PADI2: variants seen among roughly 807,000 people sequenced by gnomAD.
The protein encoded by PADI2 is protein-arginine deiminase type-2.
Under a neutral mutation model 81.1 loss-of-function variants are expected in PADI2, and 70 were observed. The observed-to-expected ratio is 0.86, with a 90% CI of 0.71 to 1.05. The LOEUF is 1.05. Among genes scored for constraint, PADI2 ranks in the 50% least tolerant of loss-of-function variants. PADI2 has a pLI of 0.00. For missense variants in PADI2, 853 were observed against 889.9 expected, an observed-to-expected ratio of 0.96 and a Z score of 0.53; for synonymous variants, 338 against 358.0, an observed-to-expected ratio of 0.94 and a Z score of 0.63.
intron 3 of PADI2, among the ~76,000 whole-genome samples, chr1:17,102,650 A>G (rs1931182396): frequency 6.6e-6 from 1 of 151,480 alleles, no homozygotes; most frequent in Non-Finnish European, 1.5e-5. Flanking sequence ...TCACCATGAG[A>G]GGGACACTCT....
chr1:17,104,083 G>C (rs182634233), intron 2 of PADI2, among the ~76,000 whole-genome samples: 250 of 150,008 alleles, frequency 1.7e-3, no homozygotes, highest in African/African-American at 5.5e-3. Flanking sequence ...GAGATCGACA[G>C]CATCCTGGCT....
chr1:17,106,631 T>C (rs2057091), intron 1 of PADI2, among the ~76,000 whole-genome samples: 106,879 of 151,850 alleles, frequency 0.7, 38,581 homozygotes, highest in East Asian at 0.95. Context: ...TTAGTAGAGA[T>C]GGGGTTTCGC....
chr1:17,107,491 G>A (rs770792563), intron 1 of PADI2, among the ~76,000 whole-genome samples: 1 of 152,184 alleles, frequency 6.6e-6, no homozygotes, highest in Non-Finnish European at 1.5e-5. Flanking sequence ...ACAGACTGCG[G>A]GGCCCCATCT....
chr1:17,105,904 C>G (rs878269), intron 1 of PADI2, among the ~76,000 whole-genome samples: 120,094 of 152,074 alleles, frequency 0.79, 48,150 homozygotes, highest in East Asian at 0.95. Flanking sequence ...TTCTTAACAA[C>G]CTTCCTAGTG....
rs114552846 is a variant in PADI2 at position 17,090,030 on chromosome 1, C to A, written c.655+2378G>T. 3.2e-3 allele frequency among the ~76,000 whole-genome samples: 482 copies of A among 152,324 alleles called. 2 individuals are homozygous for A. The highest frequency in any genetic ancestry group is 0.011 in the African/African-American group (462 of 41,566). ...GGAAAGTCCTGGGCAAACTGGATTA[C>A]CATTTCCTTGTATAAAGAGGTAAGG... On this transcript the variant is annotated intron_variant, in intron 6 of 15. Transcript: ENST00000375486.
chr1:17,086,825 G>T, intron 6 of PADI2, 126 bp from the exon 7 acceptor site: 1 of 742,170 alleles, frequency 1.3e-6, no homozygotes, highest in Non-Finnish European at 2.2e-6. Flanking sequence ...AGCACAAGCA[G>T]AAAATGCCAC....
At chr1:17,113,730 G>T (rs1931663998) in intron 1 of PADI2, among the ~76,000 whole-genome samples, 1 of 152,214 alleles carries the variant, frequency 6.6e-6, no homozygotes, top group South Asian at 2.1e-4. Context: ...CTGGGCTCTT[G>T]GGTCAATGAC....
intron 10 of PADI2, among the ~76,000 whole-genome samples, chr1:17,081,697 A>T (rs1369196948): frequency 6.6e-6 from 1 of 152,230 alleles, no homozygotes; most frequent in Admixed American, 6.5e-5. Flanking sequence ...AGACAAAAGA[A>T]AGATTGGTTT....
At chr1:17,072,764 A>G (rs1483122483) in intron 13 of PADI2, among the ~76,000 whole-genome samples, 1 of 152,134 alleles carries the variant, frequency 6.6e-6, no homozygotes, top group Non-Finnish European at 1.5e-5. Context: ...TTTTCTCTCT[A>G]TCTCTCTTTC....
chr1:17,097,789 G>C (rs1930992681), intron 3 of PADI2, among the ~76,000 whole-genome samples: 1 of 152,124 alleles, frequency 6.6e-6, no homozygotes, highest in Non-Finnish European at 1.5e-5. Context: ...GCAGGGGCAG[G>C]AATAATACTG....
At chr1:17,097,680 G>T (rs1481603897) in intron 3 of PADI2, among the ~76,000 whole-genome samples, 1 of 152,208 alleles carries the variant, frequency 6.6e-6, no homozygotes, top group Non-Finnish European at 1.5e-5. Flanking sequence ...GAAGCCACTT[G>T]TCAGCAAATC....
intron 14 of PADI2, among the ~76,000 whole-genome samples, chr1:17,070,725 G>A (rs190065327): frequency 1.6e-4 from 24 of 152,068 alleles, no homozygotes; most frequent in African/African-American, 5.5e-4. Context: ...GCAGTGGCAC[G>A]ATCTCGGTTC....
At chr1:17,082,417 G>T (rs1406924599) in intron 10 of PADI2, 128 bp downstream of exon 10, 15 of 671,900 alleles carry the variant, frequency 2.2e-5, no homozygotes, top group Non-Finnish European at 4.0e-5. Context: ...GACTCATTTT[G>T]CAGAGGAGAA....
chr1:17,079,191 C>T (rs755129874), intron 11 of PADI2, 73 bp downstream of exon 11: 37 of 1,437,768 alleles, frequency 2.6e-5, no homozygotes, highest in Non-Finnish European at 3.5e-5. Flanking sequence ...TGTGAGCAAC[C>T]CAGGCCACCC....
intron 1 of PADI2, among the ~76,000 whole-genome samples, chr1:17,117,118 C>T (rs988972564): frequency 2.0e-5 from 3 of 152,234 alleles, no homozygotes; most frequent in Non-Finnish European, 4.4e-5. Context: ...TGCAATAGTG[C>T]GAGATTGAGA....
At chr1:17,093,750 G>T in intron 4 of PADI2, 66 bp from the exon 5 acceptor site, 1 of 953,150 alleles carries the variant, frequency 1.0e-6, no homozygotes, top group Non-Finnish European at 1.7e-6. Flanking sequence ...ATGGGACACT[G>T]GAGAGATAGC....
chr1:17,104,474 G>C (rs75543009), intron 2 of PADI2, among the ~76,000 whole-genome samples: 2 of 95,092 alleles, frequency 2.1e-5, no homozygotes, highest in Non-Finnish European at 3.7e-5. Flanking sequence ...TCGCTCTGTC[G>C]CCCAGGCTGG....
At position 17,074,933 on chromosome 1, in the gene PADI2, A is replaced by T; in HGVS notation, c.1472T>A (p.Met491Lys). 1.2e-6 allele frequency: 2 copies of T among 1,612,344 alleles called. No individual in the cohort carries two copies. The highest frequency in any genetic ancestry group is 1.7e-6 in the Non-Finnish European group (2 of 1,178,988). The part of the protein sequence containing the change: ...IPGTKKFLLL[M>K]ASTSACYKLF... ...CTTGTAGCAGGCCGAGGTGCTGGCCATGAGTAGCAGGAATTTCTGCAAGAG... is the reference window on the plus strand; with the variant it reads ...CTTGTAGCAGGCCGAGGTGCTGGCCTTGAGTAGCAGGAATTTCTGCAAGAG... Residue 491 changes from methionine to lysine, a missense_variant, in exon 13 of 16, where the codon ATG becomes AAG. Coordinates refer to ENST00000375486, the MANE Select transcript of PADI2 (RefSeq NM_007365.3).
chr1:17,074,611 G>T (rs887266504), intron 13 of PADI2, among the ~76,000 whole-genome samples: 1 of 152,120 alleles, frequency 6.6e-6, no homozygotes, highest in Admixed American at 6.5e-5. Context: ...TTGAAGATGC[G>T]CTATGCACTG....
Sources: gnomAD v4.1 joint callset for allele counts (sites outside exome capture counted in the v4.1 genomes callset) on GRCh38, gnomAD v4.1.1 for gene constraint, MANE v1.5 for transcripts, NCBI Gene and HGNC (gene_info 2026-07-23, HGNC 2026-07-21) for gene names.